SLC22A12: variants seen among roughly 807,000 people sequenced by gnomAD.
SLC22A12 encodes organic anion transporter 4-like protein.
A neutral mutation model predicts 52.7 loss-of-function variants in SLC22A12; 56 were observed. The ratio of observed to expected loss-of-function variants is 1.06; its 90% CI spans 0.86 to 1.33. The LOEUF is 1.33. SLC22A12 is among the 40% of genes most tolerant of loss of function. The pLI, the probability that SLC22A12 is intolerant of heterozygous loss-of-function variation, is 0.00. For missense variants in SLC22A12, 683 were observed against 741.5 expected (o/e 0.92, Z 0.92); for synonymous variants, 337 against 324.6 (o/e 1.04, Z -0.41).
chr11:64,593,696 C>G lies in SLC22A12; in HGVS notation c.723C>G (p.Phe241Leu). 1 of 1,614,144 alleles carries G rather than the reference C, an allele frequency of 6.2e-7. No homozygotes were observed. The part of the protein sequence containing the change: ...PLVMTLNSLG[F>L]SFGHGLTAAV... Reference sequence around the variant, plus strand: ...TGATGACCTTGAACTCTCTGGGCTTCAGCTTCGGCCATGGCCTGACAGCTG... The same window carrying G: ...TGATGACCTTGAACTCTCTGGGCTTGAGCTTCGGCCATGGCCTGACAGCTG... Residue 241 changes from phenylalanine to leucine, a missense_variant, in exon 4 of 10, where the codon TTC (phenylalanine) becomes TTG (leucine). Physicochemically the swap from Phe to Leu is conservative, Grantham distance 22. Transcript: ENST00000377574.
At chr11:64,597,031 C>G (rs529070241) in intron 4 of SLC22A12, among the ~76,000 whole-genome samples, 2 of 152,204 alleles carry the variant, frequency 1.3e-5, no homozygotes, top group Non-Finnish European at 2.9e-5. Flanking sequence ...CCACGTGGAG[C>G]TCATAGGGAA....
chr11:64,597,774 C>G (rs1043069143), intron 4 of SLC22A12, among the ~76,000 whole-genome samples: 2 of 152,070 alleles, frequency 1.3e-5, no homozygotes, highest in African/African-American at 4.8e-5. Flanking sequence ...GCTCAGCAGG[C>G]GGGGCGGGAC....
chr11:64,600,100 G>C (rs2039403017), intron 7 of SLC22A12, among the ~76,000 whole-genome samples: 1 of 152,202 alleles, frequency 6.6e-6, no homozygotes, highest in Non-Finnish European at 1.5e-5. Context: ...GAAAAGTGTG[G>C]AGTTAAAATG....
chr11:64,597,770 C>T lies in SLC22A12; in HGVS notation c.831-746C>T, dbSNP rs946950267. On this transcript the variant is annotated intron_variant, in intron 4 of 9. Transcript: ENST00000377574. ...AGTGGTGGGCATGGCAGGCGCTCAG[C>T]AGGCGGGGCGGGACGGTGTGGCATA... is the stretch of plus-strand genomic sequence containing the variant. Among the ~76,000 whole-genome samples the T allele has an allele frequency of 2.6e-5, 4 of 152,048 alleles. No homozygotes were observed. The East Asian group carries it at 7.7e-4, about 29-fold the overall frequency.
intron 4 of SLC22A12, 118 bp downstream of exon 4, chr11:64,593,921 G>A (rs1397693453): frequency 1.4e-6 from 2 of 1,417,704 alleles, no homozygotes; most frequent in Admixed American, 2.0e-5. Context: ...GGGGTGCATG[G>A]GCTGGAGGAA....
chr11:64,601,356 TGCTCGGGA>T (rs1246681401), intron 9 of SLC22A12, 124 bp from the exon 10 acceptor site: 3 of 879,222 alleles, frequency 3.4e-6, no homozygotes, highest in Non-Finnish European at 5.5e-6. Flanking sequence ...ACCCATCACA[TGCTCGGGA>T]GCTCAGTTCT....
In SLC22A12 at chr11:64,595,350, AATGGATGGATGGATGG is replaced by A. The variant is rs796558193; in HGVS notation, c.830+1577_830+1592del. Among the ~76,000 whole-genome samples, 149 of 58,038 alleles carry A rather than the reference AATGGATGGATGGATGG, an allele frequency of 2.6e-3. 3 individuals are homozygous for A. Among genetic ancestry groups the A allele is most frequent in the East Asian group, 3.2e-3 (4 of 1,246 alleles). 38.1% of individuals were successfully genotyped at this position (58,038 alleles called of 152,430 possible). On this transcript the variant is annotated intron_variant, in intron 4 of 9. Coordinates refer to ENST00000377574, the MANE Select transcript of SLC22A12 (RefSeq NM_144585.4). ...GGATGGATGGTTGAATGGATGGTTG[AATGGATGGATGGATGG>A]ATGGATGGATGGATGGATGGATGGA...
intron 4 of SLC22A12, among the ~76,000 whole-genome samples, chr11:64,594,719 GGATGGACGGACA>G (rs1420123193): frequency 4.3e-4 from 64 of 148,750 alleles, no homozygotes; most frequent in African/African-American, 1.5e-3. Context: ...ATGGATGGAT[GGATGGACGGACA>G]GACGGACGGA....
At position 64,591,518 on chromosome 11, in the gene SLC22A12, T is replaced by C. The variant is rs1414722870; in HGVS notation, c.-39T>C. 6.2e-7 allele frequency: 1 copy of C among 1,606,116 alleles called. No individual in the cohort carries two copies. Among genetic ancestry groups the C allele is most frequent in the Admixed American group, 1.7e-5 (1 of 60,028 alleles). ...CCTCTTTGCCCTGGGCCAGCCTTTG[T>C]GAAGTGGGCCCCTCTTCTGGGCCCC... On this transcript the variant is annotated 5_prime_UTR_variant, in exon 1 of 10. Transcript: ENST00000377574.
rs937413486 is a variant in SLC22A12, at chr11:64,601,814, G to T, written c.*263G>T. 2 of 463,694 alleles carry T rather than the reference G, an allele frequency of 4.3e-6. No individual in the cohort carries two copies. Among genetic ancestry groups the T allele is most frequent in the African/African-American group, 2.1e-5 (1 of 48,222 alleles). The allele number at this position is 463,694 out of a possible 1,614,324, so 28.7% of individuals were successfully genotyped here. On this transcript the variant is annotated 3_prime_UTR_variant, in exon 10 of 10. Transcript: ENST00000377574. ...ACCATCACCCTGCCCTGCCCTCGTG[G>T]CTTCGGAGAGCAGAGGGGTCAGGCC... is the stretch of plus-strand genomic sequence containing the variant.
At chr11:64,595,088 A>T (rs2039082000) in intron 4 of SLC22A12, among the ~76,000 whole-genome samples, 2 of 90,148 alleles carry the variant, frequency 2.2e-5, no homozygotes, top group African/African-American at 3.6e-5. Context: ...AGATGGATAG[A>T]TGGAAAGGAT....
chr11:64,598,450 A>G, intron 4 of SLC22A12, 66 bp from the exon 5 acceptor site: 1 of 1,546,494 alleles, frequency 6.5e-7, no homozygotes, highest in South Asian at 1.2e-5. Context: ...TAGCAGTCTG[A>G]GGCTGGCGCA....
In SLC22A12 at chr11:64,592,072, A is replaced by G. The variant is rs923699631; in HGVS notation, c.402+114A>G. 4.0e-6 allele frequency: 6 copies of G among 1,481,582 alleles called. No individual in the cohort carries two copies. The African/African-American group carries it at 8.3e-5, about 21-fold the overall frequency. 91.8% of individuals were successfully genotyped at this position (1,481,582 alleles called of 1,614,324 possible). A position where few individuals can be genotyped will look rare whatever the true frequency, so the allele number is the denominator to read the frequency against. ...GGAGGGACCCACCTCCCCAGGCCCCACTCACTCTCGAGCCTCTCAGCCCCT... is the reference window on the plus strand; with the variant it reads ...GGAGGGACCCACCTCCCCAGGCCCCGCTCACTCTCGAGCCTCTCAGCCCCT... On this transcript the variant is annotated intron_variant, in intron 1 of 9. Coordinates refer to ENST00000377574, the MANE Select transcript of SLC22A12 (RefSeq NM_144585.4).
At chr11:64,597,212 G>T (rs975561695) in intron 4 of SLC22A12, among the ~76,000 whole-genome samples, 11 of 152,044 alleles carry the variant, frequency 7.2e-5, no homozygotes, top group African/African-American at 2.7e-4. Context: ...CACCCACAAT[G>T]ATCTGGCCAC....
Position 64,591,866 on chromosome 11 carries a change from A to G in SLC22A12, c.310A>G (p.Thr104Ala). 1 of 1,612,480 alleles carries G rather than the reference A, an allele frequency of 6.2e-7. No homozygotes were observed. The highest frequency in any genetic ancestry group is 8.5e-7 in the Non-Finnish European group (1 of 1,179,988). ...GTGGCAGCTCTTGGACCCCAATGCC[A>G]CGGCCACCAGCTGGAGCGAGGCCGA... ...PQWQLLDPNA[T>A]ATSWSEADTE... The change falls in exon 1 of 10, where the codon ACG becomes GCG. Residue 104 changes from threonine (T) to alanine (A), a missense_variant. Thr to Ala is a moderately conservative substitution (Grantham distance 58). Transcript: ENST00000377574.
intron 4 of SLC22A12, among the ~76,000 whole-genome samples, chr11:64,594,517 GGT>G (rs1202223292): frequency 8.8e-4 from 129 of 146,094 alleles, no homozygotes; most frequent in African/African-American, 2.3e-3. Flanking sequence ...TAGGTAGGTA[GGT>G]AGGTAGATAG....
chr11:64,598,910 T>C lies in SLC22A12; in HGVS notation c.1057T>C (p.Ser353Pro). The change falls in exon 6 of 10, where the codon TCC becomes CCC. Residue 353 changes from serine (S) to proline (P), a missense_variant. Coordinates refer to ENST00000377574, the MANE Select transcript of SLC22A12 (RefSeq NM_144585.4). ...MPGLRFRTCI[S>P]TLCWFAFGFT... ...CGGACTGCGCTTCCGGACCTGTATC[T>C]CCACGTTGTGCTGGTAGATGCCCTT... The C allele has an allele frequency of 6.2e-7, 1 of 1,612,810 alleles. No homozygotes were observed. Among genetic ancestry groups the C allele is most frequent in the Non-Finnish European group, 8.5e-7 (1 of 1,179,966 alleles).
chr11:64,593,475 G>A lies in SLC22A12; in HGVS notation c.577G>A (p.Ala193Thr), dbSNP rs771103495. ...TGTGATGGGTACGGCAGCTGCCTTC[G>A]CCCCTGCCTTCCCCGTGTACTGCCT... ...MAVMGTAAAF[A>T]PAFPVYCLFR... Residue 193 changes from alanine to threonine, a missense_variant, in exon 3 of 10, where the codon GCC becomes ACC. Transcript: ENST00000377574. 16 of 1,614,092 alleles carry A rather than the reference G, an allele frequency of 9.9e-6. No homozygotes were observed. Among genetic ancestry groups the A allele is most frequent in the East Asian group, 4.5e-5 (2 of 44,886 alleles).
Position 64,600,910 on chromosome 11 carries a change from C to T in SLC22A12, c.1570C>T (p.Pro524Ser). The T allele has an allele frequency of 1.7e-5, 27 of 1,609,446 alleles. No homozygotes were observed. Among genetic ancestry groups the T allele is most frequent in the Non-Finnish European group, 2.3e-5 (27 of 1,179,978 alleles). The change falls in exon 9 of 10, where the codon CCC becomes TCC. Residue 524 changes from proline (P) to serine (S), a missense_variant. Physicochemically the swap from Pro to Ser is moderately conservative, Grantham distance 74 (BLOSUM62 -1). Transcript: ENST00000377574. ...LLPETQSLPL[P>S]DTIQDVQNQA... ...GCCCGAGACCCAGAGCTTGCCGCTGCCCGACACCATCCAAGATGTGCAGAA... is the reference window on the plus strand; with the variant it reads ...GCCCGAGACCCAGAGCTTGCCGCTGTCCGACACCATCCAAGATGTGCAGAA...
Sources: allele counts gnomAD v4.1 joint callset (sites outside exome capture counted in the v4.1 genomes callset), GRCh38; gene constraint gnomAD v4.1.1; transcripts MANE v1.5; gene names NCBI Gene and HGNC (gene_info 2026-07-23, HGNC 2026-07-21).